The following SLC35F4 variants were observed in gnomAD, a reference collection of about 807,000 sequenced individuals.
The protein encoded by SLC35F4 is chromosome 14 open reading frame 36.
SLC35F4 carries 24 observed loss-of-function variants against 44.2 expected under a neutral mutation model. That is an observed-to-expected ratio of 0.54 (90% CI 0.39 to 0.76). SLC35F4 has a LOEUF of 0.76. Among genes scored for constraint, SLC35F4 ranks in the 30% least tolerant of loss-of-function variants. The pLI is 0.00. For missense variants in SLC35F4, 562 were observed against 586.1 expected (o/e 0.96, Z 0.42); for synonymous variants, 238 against 223.6 (o/e 1.06, Z -0.57).
rs79559275 is a variant in SLC35F4, at chr14:57,623,010, A to T, written c.104-28886T>A. Among the ~76,000 whole-genome samples the T allele has an allele frequency of 1.3e-3, 200 of 152,260 alleles. 2 individuals carry two copies. In the East Asian group the frequency reaches 0.02, roughly 15 times the overall value. On this transcript the variant is annotated intron_variant, in intron 1 of 7. Coordinates refer to ENST00000556826, the MANE Select transcript of SLC35F4 (RefSeq NM_001306087.2). Reference sequence around the variant, plus strand: ...ACTGAGTGCCCCAGTTAAAAGACACAGACTGGCAAATTGGATAAAGAGTCA... The same window carrying T: ...ACTGAGTGCCCCAGTTAAAAGACACTGACTGGCAAATTGGATAAAGAGTCA...
chr14:57,898,591 T>A (rs1236030519), intron 1 of SLC35F4, among the ~76,000 whole-genome samples: 3 of 152,212 alleles, frequency 2.0e-5, no homozygotes, highest in Admixed American at 6.5e-5. Flanking sequence ...CAACTATTCA[T>A]CCACTTCAAG....
intron 1 of SLC35F4, among the ~76,000 whole-genome samples, chr14:57,845,808 T>A (rs545826731): frequency 2.0e-5 from 3 of 152,204 alleles, no homozygotes; most frequent in Non-Finnish European, 4.4e-5. Context: ...CCATCCTTTA[T>A]CAAGCAATCA....
chr14:57,867,602 A>ACGC (rs1555398938), upstream of SLC35F4, among the ~76,000 whole-genome samples: 23 of 148,102 alleles, frequency 1.6e-4, 2 homozygotes, highest in East Asian at 4.2e-3. Context: ...ATGCCTTTAC[A>ACGC]CCCCCCCCCA....
intron 4 of SLC35F4, among the ~76,000 whole-genome samples, chr14:57,578,345 T>G (rs2068968688): frequency 7.5e-6 from 1 of 133,234 alleles, no homozygotes; most frequent in Admixed American, 7.7e-5. Flanking sequence ...TTTTTTTTTT[T>G]TTTTTTTTTT....
chr14:57,644,068 T>C (rs935720013), intron 1 of SLC35F4, among the ~76,000 whole-genome samples: 4 of 152,082 alleles, frequency 2.6e-5, no homozygotes, highest in African/African-American at 9.7e-5. Context: ...AATAGTGCCA[T>C]AATAAACATA....
intron 1 of SLC35F4, among the ~76,000 whole-genome samples, chr14:57,682,899 A>G (rs528537850): frequency 4.1e-4 from 63 of 152,278 alleles, no homozygotes; most frequent in African/African-American, 1.5e-3. Flanking sequence ...ACAGTGTTTT[A>G]GTTACAGATA....
At chr14:57,566,686 T>G in intron 6 of SLC35F4, 122 bp from the exon 7 acceptor site, 1 of 951,020 alleles carries the variant, frequency 1.1e-6, no homozygotes, top group East Asian at 2.7e-5. Context: ...ATACCTTTGA[T>G]CCTCTAATTT....
intron 1 of SLC35F4, among the ~76,000 whole-genome samples, chr14:57,821,602 G>C (rs1883185271): frequency 6.6e-6 from 1 of 152,204 alleles, no homozygotes; most frequent in Non-Finnish European, 1.5e-5. Flanking sequence ...TTCAAGTAAA[G>C]TTTATCCGTG....
chr14:57,749,270 G>C (rs951253405), intron 1 of SLC35F4, among the ~76,000 whole-genome samples: 1 of 152,082 alleles, frequency 6.6e-6, no homozygotes, highest in Non-Finnish European at 1.5e-5. Flanking sequence ...GATCACGATA[G>C]GACAGGACAG....
intron 1 of SLC35F4, among the ~76,000 whole-genome samples, chr14:57,765,366 T>TC (rs879315238): frequency 6.6e-6 from 1 of 152,040 alleles, no homozygotes; most frequent in Non-Finnish European, 1.5e-5. Context: ...AAGATAAAGA[T>TC]CCCCTCTCTA....
chr14:57,730,775 T>C (rs537828484), intron 1 of SLC35F4, among the ~76,000 whole-genome samples: 290 of 152,132 alleles, frequency 1.9e-3, no homozygotes, highest in Non-Finnish European at 2.6e-3. Context: ...GGTACCTGTA[T>C]TTATCTCATA....
rs542907580 is a variant in SLC35F4, at chr14:57,673,920, G to T, written c.104-79796C>A. On this transcript the variant is annotated intron_variant, in intron 1 of 7. Transcript: ENST00000556826. ...GCACTGTTATCAAGGATTTAACAAA[G>T]AATACAGTAAACAACCCTCAAAAAT... is the stretch of plus-strand genomic sequence containing the variant. 3.5e-4 allele frequency among the ~76,000 whole-genome samples: 53 copies of T among 151,990 alleles called. 1 individual carries two copies. The highest frequency in any genetic ancestry group is 3.2e-3 in the Admixed American group (49 of 15,260).
rs564863109 is a variant in SLC35F4, at chr14:57,899,284, A to G, written n.282+82629T>C. Reference sequence around the variant, plus strand: ...TCCTGCATTATTTCCCGTTTTTCACATAAGAAGTCTGAGGTTCAGAGAAGT... The same window carrying G: ...TCCTGCATTATTTCCCGTTTTTCACGTAAGAAGTCTGAGGTTCAGAGAAGT... On this transcript the variant is annotated intron_variant and non_coding_transcript_variant, in intron 1 of 1. Transcript: ENST00000556568. 2.2e-4 allele frequency among the ~76,000 whole-genome samples: 33 copies of G among 152,318 alleles called. No individual in the cohort carries two copies. The East Asian group carries it at 3.3e-3, about 15-fold the overall frequency.
At chr14:57,938,617 G>A (rs940019293) in intron 1 of SLC35F4, among the ~76,000 whole-genome samples, 29 of 152,182 alleles carry the variant, frequency 1.9e-4, no homozygotes, top group African/African-American at 6.8e-4. Context: ...CATGGCATTT[G>A]TCTCAGTCCC....
chr14:57,905,563 G>T (rs1889091038), intron 1 of SLC35F4, among the ~76,000 whole-genome samples: 1 of 152,158 alleles, frequency 6.6e-6, no homozygotes, highest in South Asian at 2.1e-4. Context: ...TGCCTCTGTG[G>T]CCATGCAGAG....
chr14:57,946,900 G>A (rs1019999276), intron 1 of SLC35F4, among the ~76,000 whole-genome samples: 1 of 152,288 alleles, frequency 6.6e-6, no homozygotes, highest in East Asian at 1.9e-4. Flanking sequence ...ATAATGTGAT[G>A]TGTCCAGATT....
At chr14:57,964,762 A>G (rs1594658005) in intron 1 of SLC35F4, among the ~76,000 whole-genome samples, 1 of 152,160 alleles carries the variant, frequency 6.6e-6, no homozygotes, top group East Asian at 1.9e-4. Flanking sequence ...CACAGGCACC[A>G]TGGCAGTGAA....
At chr14:57,781,955 A>G (rs1045963205) in intron 1 of SLC35F4, among the ~76,000 whole-genome samples, 2 of 152,150 alleles carry the variant, frequency 1.3e-5, no homozygotes, top group African/African-American at 4.8e-5. Context: ...AAAAATAACT[A>G]TTGGTTACTA....
intron 1 of SLC35F4, among the ~76,000 whole-genome samples, chr14:57,934,874 G>A (rs1284932202): frequency 1.3e-5 from 2 of 152,140 alleles, no homozygotes; most frequent in African/African-American, 4.8e-5. Flanking sequence ...AATGAGGGAG[G>A]ATCAGCATGT....
Sources: allele counts gnomAD v4.1 joint callset (sites outside exome capture counted in the v4.1 genomes callset), GRCh38; gene constraint gnomAD v4.1.1; transcripts MANE v1.5; gene names NCBI Gene and HGNC (gene_info 2026-07-23, HGNC 2026-07-21).